VPS35L: variants seen among roughly 807,000 people sequenced by gnomAD.
VPS35L encodes the protein VPS35 endosomal protein sorting factor like.
VPS35L carries 83 observed loss-of-function variants against 133.0 expected under a neutral mutation model. That is an observed-to-expected ratio of 0.62 (90% CI 0.52 to 0.75). The LOEUF (loss-of-function observed/expected upper bound fraction) is 0.75, where lower values mean the gene tolerates loss of function less well. VPS35L is among the 30% of genes least tolerant of loss of function. VPS35L has a pLI of 0.00. For synonymous variants in VPS35L, 423 were observed against 449.9 expected (o/e 0.94, Z 0.76); for missense variants, 1,083 against 1,206.8 (o/e 0.90, Z 1.52).
intron 24 of VPS35L, 34 bp from the exon 25 acceptor site, chr16:19,650,348 T>C (rs1410024384): frequency 6.5e-7 from 1 of 1,545,358 alleles, no homozygotes; most frequent in African/African-American, 1.4e-5. Flanking sequence ...CGGCCATCGC[T>C]TCATTACCAT....
chr16:19,682,111 A>G (rs1975300791), intron 27 of VPS35L, 114 bp from the exon 28 acceptor site: 1 of 1,199,354 alleles, frequency 8.3e-7, no homozygotes, highest in Non-Finnish European at 1.2e-6. Flanking sequence ...AGTAACTGAC[A>G]ACGTTAATTT....
chr16:19,650,227 C>T (rs1456553196), intron 24 of VPS35L, among the ~76,000 whole-genome samples, 155 bp from the exon 25 acceptor site: 1 of 152,126 alleles, frequency 6.6e-6, no homozygotes, highest in Non-Finnish European at 1.5e-5. Flanking sequence ...CCTGATGACC[C>T]CTTTGGCATT....
intron 11 of VPS35L, 116 bp downstream of exon 11, chr16:19,609,137 T>G (rs112264395): frequency 5.9e-6 from 5 of 849,252 alleles, no homozygotes; most frequent in African/African-American, 3.4e-5. Context: ...TAATGTGTGT[T>G]AAGCACCTTC....
intron 7 of VPS35L, among the ~76,000 whole-genome samples, chr16:19,589,313 G>T (rs567669364): frequency 6.6e-6 from 1 of 152,002 alleles, no homozygotes; most frequent in Non-Finnish European, 1.5e-5. Context: ...GGGCGGTCTC[G>T]GCTCACTGCA....
chr16:19,634,431 A>C (rs1000524950), intron 19 of VPS35L, among the ~76,000 whole-genome samples: 10 of 152,010 alleles, frequency 6.6e-5, no homozygotes, highest in African/African-American at 1.4e-4. Flanking sequence ...AAAAAAAAAA[A>C]AAAACCCACT....
chr16:19,619,475 A>C (rs990423426), intron 14 of VPS35L, among the ~76,000 whole-genome samples: 2 of 152,178 alleles, frequency 1.3e-5, no homozygotes, highest in African/African-American at 4.8e-5. Context: ...GCTTCTGGGA[A>C]GGGTACCATG....
chr16:19,691,880 T>TC (rs1015785692), intron 29 of VPS35L, among the ~76,000 whole-genome samples: 2 of 150,068 alleles, frequency 1.3e-5, no homozygotes, highest in Non-Finnish European at 3.0e-5. Flanking sequence ...ACCTGGTGAG[T>TC]CTTTTTTTTT....
At chr16:19,578,675 G>A (rs1271037776) in intron 5 of VPS35L, 1 of 321,672 alleles carries the variant, frequency 3.1e-6, no homozygotes, top group Non-Finnish European at 6.1e-6. Context: ...ACAATTCTAC[G>A]CTGTGAGTAA....
chr16:19,579,424 G>C, intron 6 of VPS35L: 1 of 252,300 alleles, frequency 4.0e-6, no homozygotes. Flanking sequence ...GGCCAGGCGC[G>C]GTGGCTCACG....
chr16:19,643,360 C>A (rs1477461237), intron 22 of VPS35L, among the ~76,000 whole-genome samples: 1 of 152,146 alleles, frequency 6.6e-6, no homozygotes, highest in African/African-American at 2.4e-5. Context: ...TAAAATTGTG[C>A]ATAGTAGACA....
At chr16:19,673,814 C>T (rs1974957577) in intron 27 of VPS35L, among the ~76,000 whole-genome samples, 2 of 152,182 alleles carry the variant, frequency 1.3e-5, no homozygotes, top group African/African-American at 4.8e-5. Context: ...ACTCATGAAA[C>T]CTGAGCCAGA....
chr16:19,607,135 C>T (rs1175970377), intron 9 of VPS35L, among the ~76,000 whole-genome samples: 1 of 152,042 alleles, frequency 6.6e-6, no homozygotes, highest in Admixed American at 6.6e-5. Flanking sequence ...ATGTCAAGTC[C>T]AGAACTGTGA....
intron 26 of VPS35L, among the ~76,000 whole-genome samples, chr16:19,666,977 TTTC>T (rs1597412862): frequency 2.7e-4 from 39 of 142,462 alleles, no homozygotes; most frequent in South Asian, 4.4e-4. Flanking sequence ...CCTTTCTTCC[TTTC>T]TTTCTTTCTT....
chr16:19,682,041 G>A (rs963334697), intron 27 of VPS35L, among the ~76,000 whole-genome samples, 184 bp from the exon 28 acceptor site: 3 of 152,186 alleles, frequency 2.0e-5, no homozygotes, highest in South Asian at 2.1e-4. Context: ...TGGGAATCAC[G>A]TTTTGTCATT....
intron 2 of VPS35L, among the ~76,000 whole-genome samples, chr16:19,567,442 C>T (rs1971224168): frequency 6.6e-6 from 1 of 152,140 alleles, no homozygotes; most frequent in African/African-American, 2.4e-5. Flanking sequence ...GAGTTCACCC[C>T]ACCAGGCCTG....
intron 25 of VPS35L, among the ~76,000 whole-genome samples, chr16:19,650,806 TA>T (rs1974099787): frequency 6.6e-6 from 1 of 152,122 alleles, no homozygotes; most frequent in Non-Finnish European, 1.5e-5. Flanking sequence ...TTTTCTAATA[TA>T]AAAATATGTA....
chr16:19,619,339 T>G (rs1358757386), intron 14 of VPS35L, among the ~76,000 whole-genome samples: 1 of 152,094 alleles, frequency 6.6e-6, no homozygotes, highest in Non-Finnish European at 1.5e-5. Context: ...GTACTTCAGG[T>G]GAATAGTCTT....
chr16:19,584,130 A>G (rs1200288615), intron 7 of VPS35L, among the ~76,000 whole-genome samples: 1 of 152,140 alleles, frequency 6.6e-6, no homozygotes, highest in African/African-American at 2.4e-5. Context: ...TTGATTTCAT[A>G]TCTTAGCTAT....
At chr16:19,597,795 T>G (rs1281797352) in intron 8 of VPS35L, among the ~76,000 whole-genome samples, 1 of 152,148 alleles carries the variant, frequency 6.6e-6, no homozygotes, top group Non-Finnish European at 1.5e-5. Context: ...AGTGTTCACT[T>G]TATAAAAAAG....
Sources: gnomAD v4.1 joint callset for allele counts (sites outside exome capture counted in the v4.1 genomes callset) on GRCh38, gnomAD v4.1.1 for gene constraint, MANE v1.5 for transcripts, NCBI Gene and HGNC (gene_info 2026-07-23, HGNC 2026-07-21) for gene names.